SLC35F5: variants seen among roughly 807,000 people sequenced by gnomAD.
SLC35F5 encodes HCV NS5A-transactivated protein 3.
A neutral mutation model predicts 68.6 loss-of-function variants in SLC35F5; 54 were observed. That is an observed-to-expected ratio of 0.79 (90% confidence interval 0.63 to 0.99). SLC35F5 has a LOEUF of 0.99. Ranked by LOEUF, SLC35F5 falls within the 50% of genes least tolerant of loss-of-function variation. The pLI is 0.00. For synonymous variants in SLC35F5, 211 were observed against 205.2 expected (o/e 1.03, Z -0.24); for missense variants, 567 against 626.9 (o/e 0.90, Z 1.02).
chr2:113,738,106 A>T (rs1484837426), intron 7 of SLC35F5, among the ~76,000 whole-genome samples: 1 of 152,144 alleles, frequency 6.6e-6, no homozygotes, highest in Non-Finnish European at 1.5e-5. Flanking sequence ...TTCTGTGTGT[A>T]TATGTGATGA....
rs2290109 is a variant in SLC35F5, at chr2:113,709,230, C to G, written c.*5988G>C. ...CTCTTTACAAAGCACTAAGTACACA[C>G]AGGTGTTTGGCATTGTCTCTGGAAC... On this transcript the variant is annotated 3_prime_UTR_variant, in exon 16 of 16. Transcript: ENST00000245680. Among the ~76,000 whole-genome samples, 1 of 150,672 alleles carries G rather than the reference C, an allele frequency of 6.6e-6. No individual in the cohort carries two copies.
At chr2:113,724,858 T>C (rs1020650453) in intron 12 of SLC35F5, among the ~76,000 whole-genome samples, 1 of 152,186 alleles carries the variant, frequency 6.6e-6, no homozygotes, top group African/African-American at 2.4e-5. Context: ...TATCAAAGTA[T>C]GTTAACATCT....
At chr2:113,720,777 TA>T (rs1433161963) in intron 13 of SLC35F5, among the ~76,000 whole-genome samples, 1 of 152,162 alleles carries the variant, frequency 6.6e-6, no homozygotes, top group Non-Finnish European at 1.5e-5. Context: ...AATATTCAAC[TA>T]AAAACCTTAT....
In SLC35F5 at chr2:113,709,662, C is replaced by CA. The variant is rs1230397271; in HGVS notation, c.*5555dup. Among the ~76,000 whole-genome samples the CA allele has an allele frequency of 1.3e-5, 2 of 152,308 alleles. No homozygotes were observed. Among genetic ancestry groups the CA allele is most frequent in the Non-Finnish European group, 2.9e-5 (2 of 68,026 alleles). ...CCAACGTCAGAGTTAGTGCTCTTCT[C>CA]AGAGTAATAATCTGCAAAGTGTGGT... On this transcript the variant is annotated 3_prime_UTR_variant, in exon 16 of 16. Transcript: ENST00000245680.
chr2:113,750,552 T>C lies in SLC35F5; in HGVS notation c.290A>G (p.Tyr97Cys). 6.2e-7 allele frequency: 1 copy of C among 1,610,910 alleles called. No individual in the cohort carries two copies. Among genetic ancestry groups the C allele is most frequent in the Non-Finnish European group, 8.5e-7 (1 of 1,178,570 alleles). Residue 97 changes from tyrosine to cysteine, a missense_variant, in exon 4 of 16, where the codon TAC becomes TGC. Coordinates refer to ENST00000245680, the MANE Select transcript of SLC35F5 (RefSeq NM_025181.5). ...SELTSYVFTQ[Y>C]NKPFFSTFAK... ...AAAGGTGCTGAAGAATGGTTTGTTG[T>C]ACTGGGTAAAAACATACTGTAGAGG...
chr2:113,722,991 C>T, intron 13 of SLC35F5, 113 bp downstream of exon 13: 1 of 594,136 alleles, frequency 1.7e-6, no homozygotes, highest in Non-Finnish European at 2.7e-6. Context: ...GGAGAGAAAG[C>T]ATCAAGTATT....
At chr2:113,751,667 G>C (rs189565871) in intron 3 of SLC35F5, among the ~76,000 whole-genome samples, 6 of 152,038 alleles carry the variant, frequency 3.9e-5, no homozygotes, top group Admixed American at 3.3e-4. Context: ...AAAATTTGCA[G>C]TACATGGGGG....
intron 14 of SLC35F5, among the ~76,000 whole-genome samples, chr2:113,718,210 A>G (rs1687252865): frequency 6.6e-6 from 1 of 152,002 alleles, no homozygotes; most frequent in Non-Finnish European, 1.5e-5. Flanking sequence ...CAGCCTCCCA[A>G]GTAGCTTGGG....
At chr2:113,751,217 A>C (rs1426388534) in intron 3 of SLC35F5, among the ~76,000 whole-genome samples, 1 of 152,164 alleles carries the variant, frequency 6.6e-6, no homozygotes, top group Non-Finnish European at 1.5e-5. Context: ...AATAGAGGAG[A>C]CATATATATG....
intron 9 of SLC35F5, among the ~76,000 whole-genome samples, chr2:113,733,813 A>T (rs188305317): frequency 6.6e-6 from 1 of 152,368 alleles, no homozygotes; most frequent in Admixed American, 6.5e-5. Context: ...AAACTGCCCC[A>T]GGGCAAACAG....
In SLC35F5 at chr2:113,710,919, T is replaced by C. The variant is rs1378035687; in HGVS notation, c.*4299A>G. Among the ~76,000 whole-genome samples the C allele has an allele frequency of 2.0e-5, 3 of 152,156 alleles. No homozygotes were observed. The highest frequency in any genetic ancestry group is 7.2e-5 in the African/African-American group (3 of 41,426). On this transcript the variant is annotated 3_prime_UTR_variant, in exon 16 of 16. Coordinates refer to ENST00000245680, the MANE Select transcript of SLC35F5 (RefSeq NM_025181.5). ...TACTTGCTGTAATCACAACTAGGCATAGGAAAATCAAGTAGAGAAATACTG... is the reference window on the plus strand; with the variant it reads ...TACTTGCTGTAATCACAACTAGGCACAGGAAAATCAAGTAGAGAAATACTG...
chr2:113,734,737 C>A, intron 8 of SLC35F5, 64 bp from the exon 9 acceptor site: 1 of 960,696 alleles, frequency 1.0e-6, no homozygotes, highest in Non-Finnish European at 1.6e-6. Context: ...TTTTTACTAC[C>A]AACTTCATTG....
At position 113,711,813 on chromosome 2, in the gene SLC35F5, C is replaced by T. The variant is rs1293411464; in HGVS notation, c.*3405G>A. Among the ~76,000 whole-genome samples, 1 of 151,852 alleles carries T rather than the reference C, an allele frequency of 6.6e-6. No individual in the cohort carries two copies. The highest frequency in any genetic ancestry group is 1.9e-4 in the East Asian group (1 of 5,200). On this transcript the variant is annotated 3_prime_UTR_variant, in exon 16 of 16. Coordinates refer to ENST00000245680, the MANE Select transcript of SLC35F5 (RefSeq NM_025181.5). Reference sequence around the variant, plus strand: ...GGTAGAAACGAAGATCATAACTATACTTACTTAATATGAAAATGACATTTC... The same window carrying T: ...GGTAGAAACGAAGATCATAACTATATTTACTTAATATGAAAATGACATTTC...
chr2:113,719,484 A>C, intron 13 of SLC35F5, 176 bp from the exon 14 acceptor site: 1 of 510,334 alleles, frequency 2.0e-6, no homozygotes, highest in East Asian at 3.5e-5. Context: ...TCAAGACTTC[A>C]ACTTACTATT....
chr2:113,745,800 ACTTG>A (rs1351087067), intron 5 of SLC35F5, among the ~76,000 whole-genome samples: 3 of 152,266 alleles, frequency 2.0e-5, no homozygotes, highest in South Asian at 2.1e-4. Flanking sequence ...CAATTACTTT[ACTTG>A]CTTATTACCT....
chr2:113,733,637 C>A (rs1687979403), intron 9 of SLC35F5, among the ~76,000 whole-genome samples: 1 of 152,126 alleles, frequency 6.6e-6, no homozygotes. Flanking sequence ...TTAATTTACC[C>A]TTATAACTAA....
rs1381595051 is a variant in SLC35F5 at position 113,707,705 on chromosome 2, G to A, written c.*7513C>T. ...CTCACAAGTAGCTGGGACTACAGGC[G>A]TGCACCACCATGCCTGGCTAATTTT... On this transcript the variant is annotated 3_prime_UTR_variant, in exon 16 of 16. Transcript: ENST00000245680. Among the ~76,000 whole-genome samples the A allele has an allele frequency of 4.6e-5, 7 of 152,060 alleles. No individual in the cohort carries two copies. Among genetic ancestry groups the A allele is most frequent in the Admixed American group, 2.6e-4 (4 of 15,276 alleles).
chr2:113,708,916 C>G lies in SLC35F5; in HGVS notation c.*6302G>C, dbSNP rs1274433920. 6.6e-6 allele frequency among the ~76,000 whole-genome samples: 1 copy of G among 152,212 alleles called. No individual in the cohort carries two copies. Among genetic ancestry groups the G allele is most frequent in the African/African-American group, 2.4e-5 (1 of 41,456 alleles). On this transcript the variant is annotated 3_prime_UTR_variant, in exon 16 of 16. Coordinates refer to ENST00000245680, the MANE Select transcript of SLC35F5 (RefSeq NM_025181.5). The stretch of plus-strand genomic sequence containing the variant: ...GTAGGGACTAATAAGGCCAGCAACT[C>G]AGGGAAATTAGCCTATTCATCTGAT...
At chr2:113,740,762 G>C (rs374335449) in intron 7 of SLC35F5, among the ~76,000 whole-genome samples, 1 of 152,126 alleles carries the variant, frequency 6.6e-6, no homozygotes, top group Admixed American at 6.5e-5. Flanking sequence ...GAGTAGCTGA[G>C]ACTACAGGTG....
Sources: gnomAD v4.1 joint callset for allele counts (sites outside exome capture counted in the v4.1 genomes callset) on GRCh38, gnomAD v4.1.1 for gene constraint, MANE v1.5 for transcripts, NCBI Gene and HGNC (gene_info 2026-07-23, HGNC 2026-07-21) for gene names.